Variants in RALYL observed in about 807,000 individuals in gnomAD.
RALYL encodes the protein RNA-binding Raly-like protein.
Under a neutral mutation model 35.1 loss-of-function variants are expected in RALYL, and 29 were observed. The observed-to-expected ratio is 0.83, with a 90% confidence interval of 0.61 to 1.13. The LOEUF (loss-of-function observed/expected upper bound fraction) is 1.13, where lower values mean the gene tolerates loss of function less well. Ranked by LOEUF, RALYL falls within the 50% of genes most tolerant of loss-of-function variation. The pLI is 0.00. For missense variants in RALYL, 359 were observed against 360.4 expected (o/e 1.00, Z 0.03); for synonymous variants, 120 against 127.6 (o/e 0.94, Z 0.40).
At chr8:84,194,443 T>G (rs1173096186) in intron 1 of RALYL, among the ~76,000 whole-genome samples, 4 of 152,186 alleles carry the variant, frequency 2.6e-5, no homozygotes, top group Non-Finnish European at 4.4e-5. Context: ...GTATCTTGCT[T>G]ACATTTGAAA....
chr8:84,732,117 A>G (rs902554718), intron 2 of RALYL, among the ~76,000 whole-genome samples: 1 of 152,108 alleles, frequency 6.6e-6, no homozygotes, highest in East Asian at 1.9e-4. Context: ...TTCCTGTGGA[A>G]TCCTTATCCC....
At chr8:84,238,757 A>G (rs935429804) in intron 1 of RALYL, among the ~76,000 whole-genome samples, 2 of 152,180 alleles carry the variant, frequency 1.3e-5, no homozygotes, top group Non-Finnish European at 2.9e-5. Context: ...CATCAAGCTT[A>G]GTAGGAGTCA....
chr8:84,822,549 G>A (rs1055066691), intron 4 of RALYL, among the ~76,000 whole-genome samples: 5 of 152,154 alleles, frequency 3.3e-5, no homozygotes, highest in Non-Finnish European at 7.4e-5. Context: ...TTCTAAACTA[G>A]CCTGCTAGAC....
intron 1 of RALYL, among the ~76,000 whole-genome samples, chr8:84,324,593 G>T (rs114531728): frequency 0.038 from 5,760 of 149,682 alleles, 176 homozygotes; most frequent in African/African-American, 0.053. Flanking sequence ...AAATAGTTGT[G>T]TTTTTTTTTG....
rs143287137 is a variant in RALYL at position 84,757,735 on chromosome 8, T to C, written c.257-16844T>C. 4.7e-3 allele frequency among the ~76,000 whole-genome samples: 709 copies of C among 152,274 alleles called. 3 individuals carry two copies. The highest frequency in any genetic ancestry group is 0.02 in the Middle Eastern group (6 of 294). On this transcript the variant is annotated intron_variant, in intron 2 of 8. Coordinates refer to ENST00000521268, the MANE Select transcript of RALYL (RefSeq NM_173848.7). ...CTCAGAAAGGAGGTAAAAGATGCTT[T>C]ATTGCAATAGTCATATTCAATCTGA...
chr8:84,621,132 C>G (rs1243790851), intron 2 of RALYL, among the ~76,000 whole-genome samples: 1 of 152,194 alleles, frequency 6.6e-6, no homozygotes, highest in Non-Finnish European at 1.5e-5. Context: ...TTCGAGCTTC[C>G]TGGCTGCTCT....
chr8:84,185,188 T>C, intron 1 of RALYL: 1 of 690,090 alleles, frequency 1.4e-6, no homozygotes, highest in Non-Finnish European at 2.6e-6. Flanking sequence ...GGTTTAATGT[T>C]GAGGACGACG....
intron 1 of RALYL, among the ~76,000 whole-genome samples, chr8:84,372,886 G>GTTTTTTTTTTTTTTGTTTTGTTTTTTTT (rs1856085706): frequency 5.1e-5 from 2 of 39,064 alleles, no homozygotes; most frequent in Non-Finnish European, 9.1e-5. Flanking sequence ...GCCAGCATCT[G>GTTTTTTTTTTTTTTGTTTTGTTTTTTTT]TTTTTTTTTT....
chr8:84,434,770 G>A (rs548713587), intron 1 of RALYL, among the ~76,000 whole-genome samples: 2 of 151,914 alleles, frequency 1.3e-5, no homozygotes, highest in Non-Finnish European at 2.9e-5. Context: ...TCAGCCTCCC[G>A]AGTAGCTGAG....
At chr8:84,732,995 C>G (rs1010765923) in intron 2 of RALYL, among the ~76,000 whole-genome samples, 1 of 151,992 alleles carries the variant, frequency 6.6e-6, no homozygotes, top group Non-Finnish European at 1.5e-5. Context: ...CATGCCTGGC[C>G]TAAGTAATTA....
At chr8:84,650,747 A>G (rs1204362538) in intron 2 of RALYL, among the ~76,000 whole-genome samples, 1 of 151,680 alleles carries the variant, frequency 6.6e-6, no homozygotes, top group African/African-American at 2.4e-5. Context: ...ACTATAAATC[A>G]TGCTGCTATA....
At chr8:84,368,049 A>G (rs557833548) in intron 1 of RALYL, among the ~76,000 whole-genome samples, 34 of 152,314 alleles carry the variant, frequency 2.2e-4, no homozygotes, top group African/African-American at 8.2e-4. Context: ...CTATCATACC[A>G]CTGTACTTCA....
At chr8:84,723,675 T>G (rs889302557) in intron 2 of RALYL, among the ~76,000 whole-genome samples, 1 of 151,948 alleles carries the variant, frequency 6.6e-6, no homozygotes, top group African/African-American at 2.4e-5. Context: ...TTCACTTTTT[T>G]TAGAAAAGGA....
At chr8:84,391,690 C>G (rs1038949131) in intron 1 of RALYL, among the ~76,000 whole-genome samples, 11 of 152,020 alleles carry the variant, frequency 7.2e-5, no homozygotes, top group African/African-American at 2.7e-4. Context: ...TAATTGGCTC[C>G]TGCATTTGTG....
At chr8:84,356,362 C>T (rs930311176) in intron 1 of RALYL, among the ~76,000 whole-genome samples, 6 of 150,266 alleles carry the variant, frequency 4.0e-5, no homozygotes, top group African/African-American at 9.9e-5. Flanking sequence ...ACAAACTCCC[C>T]TTCTTTCACA....
At chr8:84,703,687 C>T (rs1840621781) in intron 2 of RALYL, among the ~76,000 whole-genome samples, 1 of 152,200 alleles carries the variant, frequency 6.6e-6, no homozygotes, top group East Asian at 1.9e-4. Flanking sequence ...CCATTACTGC[C>T]TAATCATCAC....
In RALYL at chr8:84,230,966, G is replaced by A. The variant is rs530355516; in HGVS notation, c.-24+46542G>A. ...CTCTGTTCAGTTGCCACATATGTAC[G>A]GAGCCTCTAGACACTAACACTCTTT... On this transcript the variant is annotated intron_variant, in intron 1 of 8. Transcript: ENST00000521268. Among the ~76,000 whole-genome samples the A allele has an allele frequency of 7.5e-4, 114 of 152,278 alleles. No individual in the cohort carries two copies. In the South Asian group the frequency reaches 0.02, roughly 26 times the overall value.
intron 2 of RALYL, among the ~76,000 whole-genome samples, chr8:84,600,522 G>A (rs1020371826): frequency 2.0e-5 from 3 of 152,012 alleles, no homozygotes; most frequent in Non-Finnish European, 4.4e-5. Flanking sequence ...AAGTTAATAG[G>A]TAAAAGGAGG....
chr8:84,398,031 T>C (rs2131906819), intron 1 of RALYL, among the ~76,000 whole-genome samples: 1 of 152,362 alleles, frequency 6.6e-6, no homozygotes, highest in African/African-American at 2.4e-5. Context: ...TTTTTGTATC[T>C]GGATTTAGAT....
Sources: allele counts gnomAD v4.1 joint callset (sites outside exome capture counted in the v4.1 genomes callset), GRCh38; gene constraint gnomAD v4.1.1; transcripts MANE v1.5; gene names NCBI Gene and HGNC (gene_info 2026-07-23, HGNC 2026-07-21).